The following MYO9B variants were observed in gnomAD, a reference collection of about 807,000 sequenced individuals.
MYO9B encodes the protein myosin IXB.
Under a neutral mutation model 229.5 loss-of-function variants are expected in MYO9B, and 71 were observed. That is an observed-to-expected ratio of 0.31 (90% CI 0.26 to 0.38). The LOEUF is 0.38. Among genes scored for constraint, MYO9B ranks in the 10% least tolerant of loss-of-function variants. MYO9B has a pLI of 1.00. For synonymous variants in MYO9B, 1,185 were observed against 1,235.8 expected (o/e 0.96, Z 0.86); for missense variants, 2,255 against 2,920.5 (o/e 0.77, Z 5.25).
chr19:17,093,964 C>T (rs2057664119), intron 1 of MYO9B, among the ~76,000 whole-genome samples: 2 of 152,092 alleles, frequency 1.3e-5, no homozygotes, highest in African/African-American at 2.4e-5. Context: ...AATCTGCCCT[C>T]CTCAGCCTCC....
chr19:17,162,964 G>T, intron 9 of MYO9B, 24 bp from the exon 10 acceptor site: 1 of 1,604,208 alleles, frequency 6.2e-7, no homozygotes, highest in South Asian at 1.1e-5. Flanking sequence ...TGCGGGCAGT[G>T]ACCATTTTCT....
chr19:17,148,674 C>T (rs2145252143), intron 3 of MYO9B, among the ~76,000 whole-genome samples: 1 of 152,304 alleles, frequency 6.6e-6, no homozygotes, highest in South Asian at 2.1e-4. Flanking sequence ...ACCTCCGCCT[C>T]CCGGGCTCAA....
intron 28 of MYO9B, 34 bp downstream of exon 28, chr19:17,202,337 C>A: frequency 6.5e-7 from 1 of 1,535,872 alleles, no homozygotes; most frequent in Non-Finnish European, 8.8e-7. Context: ...CCACCTGTGA[C>A]ATGCCACGCC....
In MYO9B at chr19:17,145,501, C is replaced by T. The variant is rs1333649640; in HGVS notation, c.935+10C>T. 1 of 1,611,108 alleles carries T rather than the reference C, an allele frequency of 6.2e-7. No homozygotes were observed. The highest frequency in any genetic ancestry group is 1.1e-5 in the South Asian group (1 of 91,010). On this transcript the variant is annotated intron_variant, in intron 3 of 39. Transcript: ENST00000682292. The stretch of plus-strand genomic sequence containing the variant: ...GTGGCATCGTGAGAGGGTGAGGTGT[C>T]CCTGGGGTCCCCACTGGTGGGAGCT...
In MYO9B at chr19:17,202,280, A is replaced by G; in HGVS notation, c.4813A>G (p.Lys1605Glu). The G allele has an allele frequency of 6.4e-7, 1 of 1,574,582 alleles. No individual in the cohort carries two copies. The highest frequency in any genetic ancestry group is 8.6e-7 in the Non-Finnish European group (1 of 1,161,900). Residue 1605 changes from lysine (K) to glutamate (E), a missense_variant, in exon 28 of 40, where the codon AAG becomes GAG. Lys to Glu is a moderately conservative substitution (Grantham distance 56). Coordinates refer to ENST00000682292, the MANE Select transcript of MYO9B (RefSeq NM_004145.4). ...AGATGAGTTCACCCGTGGCTACACC[A>G]AGAACGACTTCGAGCCAGTGAAGGT... ...LLDEFTRGYT[K>E]NDFEPVKQSK...
At chr19:17,188,192 G>A in intron 19 of MYO9B, 147 bp downstream of exon 19, 2 of 610,076 alleles carry the variant, frequency 3.3e-6, no homozygotes, top group Admixed American at 2.6e-5. Flanking sequence ...ACCTTGGGAG[G>A]CTGAGGCAGG....
rs550559940 is a variant in MYO9B at position 17,081,322 on chromosome 19, C to T, written c.-59+5448C>T. Among the ~76,000 whole-genome samples, 44 of 152,246 alleles carry T rather than the reference C, an allele frequency of 2.9e-4. No homozygotes were observed. The Middle Eastern group carries it at 0.017, about 59-fold the overall frequency. ...GATAACAGATGTGAGCCACCGTGCCCGGCCTCAACTTACATTTTTAGATAA... is the reference window on the plus strand; with the variant it reads ...GATAACAGATGTGAGCCACCGTGCCTGGCCTCAACTTACATTTTTAGATAA... On this transcript the variant is annotated intron_variant, in intron 1 of 39. Coordinates refer to ENST00000682292, the MANE Select transcript of MYO9B (RefSeq NM_004145.4).
At chr19:17,211,839 G>A in intron 39 of MYO9B, 56 bp from the exon 40 acceptor site, 2 of 1,606,968 alleles carry the variant, frequency 1.2e-6, no homozygotes, top group Admixed American at 1.7e-5. Flanking sequence ...CAGGGCGAGG[G>A]TCCTCCGGCT....
intron 1 of MYO9B, among the ~76,000 whole-genome samples, chr19:17,076,480 G>A (rs2057485229): frequency 6.6e-6 from 1 of 152,138 alleles, no homozygotes; most frequent in Non-Finnish European, 1.5e-5. Context: ...AAGAACTGAG[G>A]GTAGGCTTAG....
chr19:17,146,831 C>G (rs2145242417), intron 3 of MYO9B, among the ~76,000 whole-genome samples: 1 of 152,304 alleles, frequency 6.6e-6, no homozygotes, highest in Admixed American at 6.5e-5. Context: ...CCCCCACTAA[C>G]TATAGATTCT....
chr19:17,081,852 GCGGAGT>G (rs2057536691), intron 1 of MYO9B, among the ~76,000 whole-genome samples: 1 of 151,726 alleles, frequency 6.6e-6, no homozygotes, highest in Admixed American at 6.6e-5. Context: ...CCAGCCCAGG[GCGGAGT>G]GGGTCCCATG....
At chr19:17,165,784 A>G (rs971839842) in intron 10 of MYO9B, among the ~76,000 whole-genome samples, 12 of 152,178 alleles carry the variant, frequency 7.9e-5, no homozygotes, top group African/African-American at 2.4e-4. Context: ...CTTAAAAGAA[A>G]AAAAGAAAAT....
At chr19:17,117,641 C>T (rs2057917602) in intron 2 of MYO9B, among the ~76,000 whole-genome samples, 1 of 152,076 alleles carries the variant, frequency 6.6e-6, no homozygotes. Context: ...TTGTCAGTGT[C>T]ATTACAGTAT....
At chr19:17,125,132 T>G (rs1176100189) in intron 2 of MYO9B, among the ~76,000 whole-genome samples, 1 of 152,062 alleles carries the variant, frequency 6.6e-6, no homozygotes, top group Non-Finnish European at 1.5e-5. Context: ...AAACCCCATC[T>G]CTACCAAAAA....
At chr19:17,134,360 GTTT>G (rs142567764) in intron 2 of MYO9B, among the ~76,000 whole-genome samples, 1 of 45,982 alleles carries the variant, frequency 2.2e-5, no homozygotes, top group Non-Finnish European at 4.4e-5. Context: ...GGATCTCTTT[GTTT>G]TTTTTTTCGT....
chr19:17,085,915 C>G (rs755645777), intron 1 of MYO9B, among the ~76,000 whole-genome samples: 12 of 152,270 alleles, frequency 7.9e-5, no homozygotes, highest in Middle Eastern at 3.4e-3. Context: ...GGCTGCCCTC[C>G]CTATCTTCGT....
intron 39 of MYO9B, 48 bp downstream of exon 39, chr19:17,211,822 C>T: frequency 6.2e-7 from 1 of 1,611,250 alleles, no homozygotes; most frequent in Admixed American, 1.7e-5. Context: ...TCCATCCCAG[C>T]AGGCCCCAGG....
Position 17,180,978 on chromosome 19 carries a change from C to T in MYO9B, c.2271C>T (p.Gly757=), listed in dbSNP as rs754328459. 2.5e-6 allele frequency: 4 copies of T among 1,611,182 alleles called. No homozygotes were observed. The highest frequency in any genetic ancestry group is 1.7e-5 in the Admixed American group (1 of 59,498). The part of the protein sequence containing the change: ...IKSIKGLPWQ[G]EDPRSLLQSL... ...GCATCAAAGGATTGCCCTGGCAGGGCGAGGACCCCCGTAGCCTTCTCCAGT... is the reference window on the plus strand; with the variant it reads ...GCATCAAAGGATTGCCCTGGCAGGGTGAGGACCCCCGTAGCCTTCTCCAGT... The change falls in exon 15 of 40, where the codon GGC becomes GGT. Residue 757 remains glycine (G), a synonymous_variant. Transcript: ENST00000682292.
intron 2 of MYO9B, among the ~76,000 whole-genome samples, chr19:17,128,980 C>T (rs904993904): frequency 2.0e-5 from 3 of 152,238 alleles, no homozygotes; most frequent in Non-Finnish European, 4.4e-5. Context: ...ATACCGGTCA[C>T]TCCTTCATCT....
Sources: gnomAD v4.1 joint callset for allele counts (sites outside exome capture counted in the v4.1 genomes callset) on GRCh38, gnomAD v4.1.1 for gene constraint, MANE v1.5 for transcripts, NCBI Gene and HGNC (gene_info 2026-07-23, HGNC 2026-07-21) for gene names.